GGTA1: variants seen among roughly 807,000 people sequenced by gnomAD.
The protein encoded by GGTA1 is inactive N-acetyllactosaminide alpha-1,3-galactosyltransferase.
GGTA1 carries 5 observed loss-of-function variants against 2.6 expected under a neutral mutation model. The observed-to-expected ratio is 1.92, with a 90% CI of 1.00 to 4.04. GGTA1 has a LOEUF of 4.04. Among genes scored for constraint, GGTA1 ranks in the 30% most tolerant of loss-of-function variants. GGTA1 has a pLI of 0.00. For synonymous variants in GGTA1, 17 were observed against 5.0 expected, an observed-to-expected ratio of 3.38 and a Z score of -3.19; for missense variants, 50 against 16.7, an observed-to-expected ratio of 2.99 and a Z score of -3.47.
intron 1 of GGTA1, among the ~76,000 whole-genome samples, chr9:121,478,272 C>T (rs923360847): frequency 1.3e-5 from 2 of 152,182 alleles, no homozygotes; most frequent in African/African-American, 4.8e-5. Context: ...GCTCAACTCT[C>T]CTAGCATTTC....
intron 4 of GGTA1, among the ~76,000 whole-genome samples, chr9:121,460,539 C>T (rs983931475): frequency 2.8e-4 from 43 of 152,236 alleles, no homozygotes; most frequent in African/African-American, 9.4e-4. Flanking sequence ...TTATGATTGT[C>T]TTTCCTGCAA....
At chr9:121,496,623 TCAGGAGGCTGAGGC>T (rs58523124) in intron 1 of GGTA1, among the ~76,000 whole-genome samples, 32,095 of 146,450 alleles carry the variant, frequency 0.22, 4,090 homozygotes, top group Middle Eastern at 0.3. Flanking sequence ...TCCCAGCTAC[TCAGGAGGCTGAGGC>T]AGGAGAATCG....
At chr9:121,472,258 T>G (rs1027057980) in intron 1 of GGTA1, among the ~76,000 whole-genome samples, 2 of 152,220 alleles carry the variant, frequency 1.3e-5, no homozygotes, top group African/African-American at 4.8e-5. Context: ...GTCCAAAAAA[T>G]TCTGAATTCC....
rs551823864 is a variant in GGTA1 at position 121,455,672 on chromosome 9, C to A, written c.*165G>T. ...CTCTATACCAGGTCATCCTGCTAAGCGCTGAGATGGGAGAAATGAGACCCA... is the reference window on the plus strand; with the variant it reads ...CTCTATACCAGGTCATCCTGCTAAGAGCTGAGATGGGAGAAATGAGACCCA... On this transcript the variant is annotated 3_prime_UTR_variant, in exon 6 of 6. Coordinates refer to ENST00000481799, the MANE Select transcript of GGTA1 (RefSeq NM_001382585.1). The A allele has an allele frequency of 3.2e-6, 1 of 310,094 alleles. No individual in the cohort carries two copies. Among genetic ancestry groups the A allele is most frequent in the Non-Finnish European group, 6.5e-6 (1 of 154,262 alleles). 19.2% of individuals were successfully genotyped at this position (310,094 alleles called of 1,614,324 possible). A position where few individuals can be genotyped will look rare whatever the true frequency, so the allele number is the denominator to read the frequency against.
In GGTA1 at chr9:121,498,116, G is replaced by T. The variant is rs925873823; in HGVS notation, c.-10+1534C>A. Among the ~76,000 whole-genome samples the T allele has an allele frequency of 1.4e-4, 21 of 152,248 alleles. 1 individual carries two copies. The highest frequency in any genetic ancestry group is 5.9e-5 in the Non-Finnish European group (4 of 68,052). On this transcript the variant is annotated intron_variant, in intron 1 of 5. Coordinates refer to ENST00000481799, the MANE Select transcript of GGTA1 (RefSeq NM_001382585.1). ...TTTCCCAATACATAGAGGAGATAAAGGAAGAACAGAACTGGTTCTGTCTGA... is the reference window on the plus strand; with the variant it reads ...TTTCCCAATACATAGAGGAGATAAATGAAGAACAGAACTGGTTCTGTCTGA...
At chr9:121,486,171 G>A (rs10115668) in intron 1 of GGTA1, among the ~76,000 whole-genome samples, 33,187 of 152,164 alleles carry the variant, frequency 0.22, 4,321 homozygotes, top group Non-Finnish European at 0.3. Context: ...AAATGTGACA[G>A]AGGCTGATGA....
intron 1 of GGTA1, 88 bp from the exon 2 acceptor site, chr9:121,468,019 G>A (rs550948526): frequency 4.4e-5 from 18 of 407,594 alleles, no homozygotes; most frequent in East Asian, 1.4e-4. Flanking sequence ...CTTTTACCCC[G>A]TTCTTTTTTA....
chr9:121,468,866 C>T (rs1390580285), intron 1 of GGTA1, among the ~76,000 whole-genome samples: 2 of 152,156 alleles, frequency 1.3e-5, no homozygotes, highest in Admixed American at 1.3e-4. Context: ...CCAGGGACTC[C>T]AGTTGCCTCC....
chr9:121,490,367 C>T (rs1828849679), intron 1 of GGTA1, among the ~76,000 whole-genome samples: 1 of 152,174 alleles, frequency 6.6e-6, no homozygotes, highest in Non-Finnish European at 1.5e-5. Flanking sequence ...CTGAATGCAC[C>T]CGATCTCATC....
chr9:121,465,324 C>T (rs9299275), intron 2 of GGTA1, among the ~76,000 whole-genome samples: 3 of 152,018 alleles, frequency 2.0e-5, no homozygotes, highest in Non-Finnish European at 4.4e-5. Context: ...CAGGCAGGAA[C>T]CCCAAAGGGT....
At chr9:121,485,418 C>A (rs1311577805) in intron 1 of GGTA1, among the ~76,000 whole-genome samples, 1 of 152,070 alleles carries the variant, frequency 6.6e-6, no homozygotes, top group Non-Finnish European at 1.5e-5. Flanking sequence ...AACTAGTGAA[C>A]GAACAGGATT....
At chr9:121,458,258 C>T (rs1327683196) in intron 5 of GGTA1, among the ~76,000 whole-genome samples, 1 of 151,924 alleles carries the variant, frequency 6.6e-6, no homozygotes, top group Admixed American at 6.6e-5. Context: ...TCCAATCATT[C>T]ATTTATGCAA....
chr9:121,457,911 C>A (rs1382913131), intron 5 of GGTA1, among the ~76,000 whole-genome samples: 2 of 135,328 alleles, frequency 1.5e-5, no homozygotes, highest in Non-Finnish European at 3.2e-5. Flanking sequence ...GAAAAGGATA[C>A]TTTTTTTTTT....
rs558986055 is a variant in GGTA1 at position 121,477,993 on chromosome 9, G to A, written c.-9-10062C>T. On this transcript the variant is annotated intron_variant, in intron 1 of 5. Coordinates refer to ENST00000481799, the MANE Select transcript of GGTA1 (RefSeq NM_001382585.1). ...AGACCCTGGGCTAAACCCCTTTTCA[G>A]GAGTCTCTTAGTTAAGCCCCATGAC... 2.8e-4 allele frequency among the ~76,000 whole-genome samples: 42 copies of A among 151,866 alleles called. No homozygotes were observed. In the East Asian group the frequency reaches 7.9e-3, roughly 29 times the overall value.
At chr9:121,497,170 G>A (rs1829013073) in intron 1 of GGTA1, among the ~76,000 whole-genome samples, 1 of 152,120 alleles carries the variant, frequency 6.6e-6, no homozygotes, top group Admixed American at 6.6e-5. Flanking sequence ...TCCAGCCTGG[G>A]CAACAGAGGG....
chr9:121,456,722 A>G (rs533317067), intron 5 of GGTA1, among the ~76,000 whole-genome samples: 8 of 152,244 alleles, frequency 5.3e-5, no homozygotes, highest in South Asian at 2.1e-4. Flanking sequence ...AGCCGGAAGC[A>G]TTAAAATTCT....
intron 5 of GGTA1, among the ~76,000 whole-genome samples, chr9:121,459,644 C>T (rs1303216944): frequency 1.3e-5 from 2 of 152,130 alleles, no homozygotes; most frequent in South Asian, 2.1e-4. Context: ...AGGCCTGTGT[C>T]TCCTCCTCCA....
chr9:121,453,120 T>C (rs74463768), downstream of GGTA1, among the ~76,000 whole-genome samples: 1,282 of 152,334 alleles, frequency 8.4e-3, 19 homozygotes, highest in African/African-American at 0.029. Context: ...AACCTGGTCA[T>C]TGGACAAAAA....
At chr9:121,445,220 A>G (rs942277244) in exon 8 of GGTA1, 5 of 152,202 alleles carry the variant, frequency 3.3e-5, no homozygotes, top group Non-Finnish European at 7.3e-5. Flanking sequence ...TGCCTACTCC[A>G]GACTGAATCC....
Sources: allele counts gnomAD v4.1 joint callset (sites outside exome capture counted in the v4.1 genomes callset), GRCh38; gene constraint gnomAD v4.1.1; transcripts MANE v1.5; gene names NCBI Gene and HGNC (gene_info 2026-07-23, HGNC 2026-07-21).